CAMSAP2: variants seen among roughly 807,000 people sequenced by gnomAD.
CAMSAP2 encodes the protein calmodulin regulated spectrin associated protein family member 2.
Under a neutral mutation model 146.1 loss-of-function variants are expected in CAMSAP2, and 26 were observed. That is an observed-to-expected ratio of 0.18 (90% CI 0.13 to 0.25). The LOEUF is 0.25. Ranked by LOEUF, CAMSAP2 falls within the 10% of genes least tolerant of loss-of-function variation. The pLI is 1.00. For missense variants in CAMSAP2, 1,381 were observed against 1,759.3 expected (o/e 0.78, Z 3.85); for synonymous variants, 499 against 596.6 (o/e 0.84, Z 2.38).
chr1:200,837,470 C>G (rs1266855746), intron 6 of CAMSAP2, among the ~76,000 whole-genome samples: 1 of 152,180 alleles, frequency 6.6e-6, no homozygotes, highest in Non-Finnish European at 1.5e-5. Flanking sequence ...GTTTTGGTTA[C>G]TGTAGCCCTG....
At chr1:200,813,554 C>T (rs1285671155) in intron 3 of CAMSAP2, among the ~76,000 whole-genome samples, 1 of 152,172 alleles carries the variant, frequency 6.6e-6, no homozygotes, top group Non-Finnish European at 1.5e-5. Flanking sequence ...TATACCTAGC[C>T]TCTTAATACA....
intron 1 of CAMSAP2, among the ~76,000 whole-genome samples, chr1:200,747,222 C>T (rs960853574): frequency 4.0e-5 from 6 of 151,750 alleles, no homozygotes; most frequent in African/African-American, 1.5e-4. Context: ...TTTGAGGGAG[C>T]GTATGGAGAA....
At chr1:200,844,494 G>A (rs1264912579) in intron 7 of CAMSAP2, among the ~76,000 whole-genome samples, 1 of 152,030 alleles carries the variant, frequency 6.6e-6, no homozygotes, top group African/African-American at 2.4e-5. Context: ...GTTGCAGTGA[G>A]CTGAGATCGC....
chr1:200,814,952 C>T (rs1329131816), intron 3 of CAMSAP2, among the ~76,000 whole-genome samples: 1 of 151,842 alleles, frequency 6.6e-6, no homozygotes, highest in African/African-American at 2.4e-5. Context: ...ATAATTTATG[C>T]ACCATGTAGA....
intron 2 of CAMSAP2, among the ~76,000 whole-genome samples, chr1:200,805,177 T>C (rs990370837): frequency 6.6e-5 from 10 of 152,256 alleles, no homozygotes; most frequent in African/African-American, 2.4e-4. Context: ...GTTGGTTTTA[T>C]GATTGCCAGT....
rs772848776 is a variant in CAMSAP2, at chr1:200,848,275, G to T, written c.1506G>T (p.Val502=). The T allele has an allele frequency of 3.1e-6, 5 of 1,613,144 alleles. No homozygotes were observed. Among genetic ancestry groups the T allele is most frequent in the Admixed American group, 1.7e-5 (1 of 59,868 alleles). ...CTCACAGTGACCTCAAATCTTGTGT[G>T]CCCCTTAACACAAATGAACTAAATT... ...IDSHSDLKSC[V]PLNTNELNSN... is the part of the protein sequence containing the mutation. The change falls in exon 11 of 17, where the codon GTG becomes GTT. Residue 502 remains valine, a synonymous_variant. Coordinates refer to ENST00000358823, the MANE Select transcript of CAMSAP2 (RefSeq NM_203459.4).
intron 4 of CAMSAP2, among the ~76,000 whole-genome samples, chr1:200,819,714 G>A (rs1020240397): frequency 1.3e-5 from 2 of 151,956 alleles, no homozygotes; most frequent in African/African-American, 4.8e-5. Context: ...TTCCCTTCTC[G>A]ATATGTTAGT....
Position 200,857,482 on chromosome 1 carries a change from C to A in CAMSAP2, c.4131+58C>A. ...AAACTGTAGAAGTCTTTTATCCATT[C>A]AAGAGAATGTACTCTCATGGGCCTA... On this transcript the variant is annotated intron_variant, in intron 16 of 16. Transcript: ENST00000358823. The surrounding 1 kb of genome is among the most constrained non-coding windows in gnomAD (Gnocchi z 4.7). 8.5e-7 allele frequency: 1 copy of A among 1,178,304 alleles called. No individual in the cohort carries two copies. Among genetic ancestry groups the A allele is most frequent in the South Asian group, 1.2e-5 (1 of 81,264 alleles). 73.0% of individuals were successfully genotyped at this position (1,178,304 alleles called of 1,614,324 possible).
chr1:200,769,257 T>C (rs1457111517), intron 2 of CAMSAP2, among the ~76,000 whole-genome samples: 1 of 152,212 alleles, frequency 6.6e-6, no homozygotes, highest in African/African-American at 2.4e-5. Context: ...AAGGAACAGC[T>C]TTATAAGTTT....
intron 2 of CAMSAP2, among the ~76,000 whole-genome samples, chr1:200,799,982 G>A (rs928905184): frequency 5.9e-5 from 9 of 152,188 alleles, no homozygotes; most frequent in Admixed American, 5.9e-4. Flanking sequence ...GCGGTTTTGA[G>A]TGAGTTTCTT....
At chr1:200,778,743 G>A (rs1419843501) in intron 2 of CAMSAP2, among the ~76,000 whole-genome samples, 6 of 151,404 alleles carry the variant, frequency 4.0e-5, no homozygotes, top group Admixed American at 1.3e-4. Flanking sequence ...AACTAAATCC[G>A]GCTACAGTAG....
At chr1:200,839,264 G>C (rs1296326960) in intron 6 of CAMSAP2, among the ~76,000 whole-genome samples, 3 of 152,142 alleles carry the variant, frequency 2.0e-5, no homozygotes, top group African/African-American at 7.2e-5. Context: ...GCTGTTAGGG[G>C]AATGATGTGA....
intron 1 of CAMSAP2, among the ~76,000 whole-genome samples, chr1:200,756,472 AAAG>A (rs1370342713): frequency 2.0e-5 from 3 of 152,110 alleles, no homozygotes; most frequent in Non-Finnish European, 2.9e-5. Flanking sequence ...AAGAAAAAAA[AAAG>A]AAAAAAAAGT....
chr1:200,790,361 G>T (rs542260199), intron 2 of CAMSAP2, among the ~76,000 whole-genome samples: 1 of 152,300 alleles, frequency 6.6e-6, no homozygotes, highest in South Asian at 2.1e-4. Flanking sequence ...CTGGGGGGAA[G>T]GGTTGGGGAC....
At chr1:200,815,255 G>C (rs1225711312) in intron 3 of CAMSAP2, among the ~76,000 whole-genome samples, 1 of 152,066 alleles carries the variant, frequency 6.6e-6, no homozygotes, top group Non-Finnish European at 1.5e-5. Flanking sequence ...ATATTAGTTT[G>C]CTTCCTAAGC....
chr1:200,791,416 T>C (rs1665748845), intron 2 of CAMSAP2, among the ~76,000 whole-genome samples: 1 of 152,228 alleles, frequency 6.6e-6, no homozygotes, highest in Admixed American at 6.5e-5. Flanking sequence ...TTCATCAAAA[T>C]TGGAAAAATT....
intron 3 of CAMSAP2, among the ~76,000 whole-genome samples, chr1:200,814,863 G>T (rs568908954): frequency 2.6e-5 from 4 of 151,930 alleles, no homozygotes; most frequent in Non-Finnish European, 4.4e-5. Context: ...TAATAAATTT[G>T]AACTTTTATT....
chr1:200,777,374 G>A (rs1203165200), intron 2 of CAMSAP2, among the ~76,000 whole-genome samples: 1 of 152,114 alleles, frequency 6.6e-6, no homozygotes, highest in Non-Finnish European at 1.5e-5. Flanking sequence ...GTATAGTAAA[G>A]TTGCTTCAGA....
At position 200,852,771 on chromosome 1, in the gene CAMSAP2, C is replaced by A; in HGVS notation, c.3602+94C>A. ...TGGTAAGTACTCAAAGAGGTGGTCTCTCATTAATTTTTATTAACAGATTTC... is the reference window on the plus strand; with the variant it reads ...TGGTAAGTACTCAAAGAGGTGGTCTATCATTAATTTTTATTAACAGATTTC... On this transcript the variant is annotated intron_variant, in intron 12 of 16. Coordinates refer to ENST00000358823, the MANE Select transcript of CAMSAP2 (RefSeq NM_203459.4). 4 of 1,293,602 alleles carry A rather than the reference C, an allele frequency of 3.1e-6. No homozygotes were observed. In the East Asian group the frequency reaches 9.8e-5, roughly 32 times the overall value. 80.1% of individuals were successfully genotyped at this position (1,293,602 alleles called of 1,614,324 possible).
Sources: allele counts gnomAD v4.1 joint callset (sites outside exome capture counted in the v4.1 genomes callset), GRCh38; gene constraint gnomAD v4.1.1; non-coding constraint Gnocchi (gnomAD v3.1); transcripts MANE v1.5; gene names NCBI Gene and HGNC (gene_info 2026-07-23, HGNC 2026-07-21).